NPAS1: variants seen among roughly 807,000 people sequenced by gnomAD.
The protein encoded by NPAS1 is neuronal PAS domain protein 1, also known as neuronal PAS domain-containing protein 1.
In NPAS1, 29 loss-of-function variants were observed where a neutral mutation model predicts 49.2. The observed-to-expected ratio is 0.59, with a 90% CI of 0.44 to 0.80. The LOEUF (loss-of-function observed/expected upper bound fraction) is 0.80, where lower values mean the gene tolerates loss of function less well. Among genes scored for constraint, NPAS1 ranks in the 30% least tolerant of loss-of-function variants. NPAS1 has a pLI of 0.00. For synonymous variants in NPAS1, 408 were observed against 380.4 expected (o/e 1.07, Z -0.84); for missense variants, 825 against 835.5 (o/e 0.99, Z 0.15).
intron 6 of NPAS1, among the ~76,000 whole-genome samples, chr19:47,038,214 G>A (rs2056979110): frequency 6.6e-6 from 1 of 152,178 alleles, no homozygotes; most frequent in South Asian, 2.1e-4. Flanking sequence ...AGGCACGTTT[G>A]AGCATTAGAA....
At chr19:47,022,548 G>T (rs1335357540) in intron 3 of NPAS1, among the ~76,000 whole-genome samples, 1 of 152,164 alleles carries the variant, frequency 6.6e-6, no homozygotes, top group Non-Finnish European at 1.5e-5. Context: ...ACCGCTATGC[G>T]GCCAATGCTG....
chr19:47,021,573 C>G lies in NPAS1; in HGVS notation c.123-39C>G. 2.9e-6 allele frequency: 4 copies of G among 1,375,588 alleles called. No homozygotes were observed. The highest frequency in any genetic ancestry group is 3.8e-6 in the Non-Finnish European group (4 of 1,048,498). The allele number at this position is 1,375,588 out of a possible 1,614,324, so 85.2% of individuals were successfully genotyped here. On this transcript the variant is annotated intron_variant, in intron 2 of 11. Transcript: ENST00000602212. The surrounding 1 kb of genome is among the most constrained non-coding windows in gnomAD (Gnocchi z 5.7). ...CCCCAGTTCCCAAGCCCCTGAGCCCCGGGGCCCCGCCGACACCTCCTCCGC... is the reference window on the plus strand; with the variant it reads ...CCCCAGTTCCCAAGCCCCTGAGCCCGGGGGCCCCGCCGACACCTCCTCCGC...
intron 7 of NPAS1, 111 bp from the exon 8 acceptor site, chr19:47,039,296 T>C (rs2056993400): frequency 2.0e-6 from 3 of 1,500,104 alleles, no homozygotes; most frequent in East Asian, 4.5e-5. Context: ...GGTCACACAG[T>C]GTCCAGTCCT....
Position 47,035,702 on chromosome 19 carries a change from G to T in NPAS1, c.523-262G>T, listed in dbSNP as rs548742360. On this transcript the variant is annotated intron_variant, in intron 5 of 11. Transcript: ENST00000602212. ...GGAGGTTCTGACACCTCCCACCCACGCCCCACTCCCACACACAGCCCCTTA... is the reference window on the plus strand; with the variant it reads ...GGAGGTTCTGACACCTCCCACCCACTCCCCACTCCCACACACAGCCCCTTA... Among the ~76,000 whole-genome samples, 3 of 152,254 alleles carry T rather than the reference G, an allele frequency of 2.0e-5. No homozygotes were observed. The East Asian group carries it at 5.8e-4, about 29-fold the overall frequency.
chr19:47,027,765 G>C (rs1452223520), intron 3 of NPAS1, among the ~76,000 whole-genome samples: 1 of 152,116 alleles, frequency 6.6e-6, no homozygotes, highest in Non-Finnish European at 1.5e-5. Flanking sequence ...CTGCGCAAGA[G>C]ATGAGGACAC....
At position 47,045,318 on chromosome 19, in the gene NPAS1, C is replaced by T; in HGVS notation, c.1440C>T (p.Asp480=). The stretch of plus-strand genomic sequence containing the variant: ...CCAAAGGCTCCGAGGACAGTGGCGA[C>T]GAGGATCCCTCCAGCCACCCGGCCA... ...RETKGSEDSG[D]EDPSSHPATP... Residue 480 remains aspartate (D), a synonymous_variant, in exon 12 of 12, where the codon GAC becomes GAT. Coordinates refer to ENST00000602212, the MANE Select transcript of NPAS1 (RefSeq NM_002517.4). 1.9e-6 allele frequency: 3 copies of T among 1,613,990 alleles called. No homozygotes were observed. Among genetic ancestry groups the T allele is most frequent in the South Asian group, 2.2e-5 (2 of 91,082 alleles).
chr19:47,039,200 G>A lies in NPAS1; in HGVS notation c.804+49G>A, dbSNP rs570167291. ...TGTATTCCAGGCAGCCATGTCCCCA[G>A]ATTGAGGGTGACCGAGGGAACCAGG... is the stretch of plus-strand genomic sequence containing the variant. On this transcript the variant is annotated intron_variant, in intron 7 of 11. Coordinates refer to ENST00000602212, the MANE Select transcript of NPAS1 (RefSeq NM_002517.4). 9.1e-6 allele frequency: 14 copies of A among 1,540,040 alleles called. No individual in the cohort carries two copies. The South Asian group carries it at 1.6e-4, about 18-fold the overall frequency.
intron 3 of NPAS1, among the ~76,000 whole-genome samples, chr19:47,024,372 C>T (rs149265254): frequency 1.3e-5 from 2 of 152,006 alleles, no homozygotes; most frequent in African/African-American, 2.4e-5. Flanking sequence ...CTTTCTTGGC[C>T]GGGTGCGGTG....
In NPAS1 at chr19:47,019,933, G is replaced by T. The variant is rs1272190600; in HGVS notation, c.-107G>T. On this transcript the variant is annotated 5_prime_UTR_variant, in exon 1 of 12. Coordinates refer to ENST00000602212, the MANE Select transcript of NPAS1 (RefSeq NM_002517.4). ...ATGGAGCTGCCCCTCCGCGCCGCCC[G>T]GCCGGCCCCACGCCGCGCCCGGAGC... 7 of 391,422 alleles carry T rather than the reference G, an allele frequency of 1.8e-5. No homozygotes were observed. Among genetic ancestry groups the T allele is most frequent in the Non-Finnish European group, 3.2e-5 (7 of 221,450 alleles). The allele number at this position is 391,422 out of a possible 1,614,324, so 24.2% of individuals were successfully genotyped here. A position where few individuals can be genotyped will look rare whatever the true frequency, so the allele number is the denominator to read the frequency against.
chr19:47,040,435 AC>A lies in NPAS1; in HGVS notation c.963-3del. 1 of 1,566,618 alleles carries A rather than the reference AC, an allele frequency of 6.4e-7. No homozygotes were observed. The highest frequency in any genetic ancestry group is 8.7e-7 in the Non-Finnish European group (1 of 1,153,364). ...TTGGACTCCTCCCCTCTTCTCTGTC[AC>A]CCCCCAGAGTCAGCGACCACATGGA... is the stretch of plus-strand genomic sequence containing the variant. On this transcript the variant is annotated splice_polypyrimidine_tract_variant and splice_region_variant and intron_variant, in intron 8 of 11. Transcript: ENST00000602212.
intron 11 of NPAS1, among the ~76,000 whole-genome samples, chr19:47,044,540 G>T (rs1349911687): frequency 1.3e-5 from 2 of 152,228 alleles, no homozygotes; most frequent in Admixed American, 6.5e-5. Flanking sequence ...CCACTGAAGA[G>T]CACAGGTCTA....
chr19:47,036,529 T>C (rs1428933172), intron 6 of NPAS1, among the ~76,000 whole-genome samples: 1 of 152,048 alleles, frequency 6.6e-6, no homozygotes, highest in African/African-American at 2.4e-5. Context: ...TCACTTGAGC[T>C]CGGTTGGAGA....
At chr19:47,045,084 C>T in intron 11 of NPAS1, 107 bp from the exon 12 acceptor site, 1 of 1,068,080 alleles carries the variant, frequency 9.4e-7, no homozygotes, top group Non-Finnish European at 1.4e-6. Flanking sequence ...AAACCCCACT[C>T]CCAGCTGAGA....
intron 5 of NPAS1, 182 bp from the exon 6 acceptor site, chr19:47,035,782 T>A (rs997801341): frequency 3.4e-6 from 2 of 596,142 alleles, no homozygotes; most frequent in Non-Finnish European, 5.6e-6. Flanking sequence ...GCGAGAAGAG[T>A]CTAAGTTTGT....
Position 47,041,118 on chromosome 19 carries a change from G to C in NPAS1, c.1210G>C (p.Val404Leu). The C allele has an allele frequency of 6.3e-7, 1 of 1,585,436 alleles. No individual in the cohort carries two copies. The highest frequency in any genetic ancestry group is 8.5e-7 in the Non-Finnish European group (1 of 1,171,532). ...GEHHVLWVSHVLSQAEGGQTP... is the reference protein window; with the variant it reads ...GEHHVLWVSHLLSQAEGGQTP... ...GCACCATGTGCTTTGGGTCAGCCAC[G>C]TGCTCAGGTGAGGGCTGTGCCCACC... Residue 404 changes from valine (V) to leucine (L), a missense_variant, in exon 10 of 12, where the codon GTG becomes CTG. Transcript: ENST00000602212.
intron 5 of NPAS1, among the ~76,000 whole-genome samples, chr19:47,033,262 T>C (rs1895380): frequency 0.83 from 122,516 of 148,046 alleles, 50,861 homozygotes; most frequent in African/African-American, 0.87. Context: ...TTTTTTGAGT[T>C]GGAGTTTCCC....
Position 47,032,318 on chromosome 19 carries a change from C to G in NPAS1, c.399C>G (p.Val133=). 6.2e-7 allele frequency: 1 copy of G among 1,614,068 alleles called. No individual in the cohort carries two copies. Residue 133 remains valine, a synonymous_variant, in exon 4 of 12, where the codon GTC becomes GTG. Transcript: ENST00000602212. ...GCCCCGCAGCGCTGGTCTCCGAAGT[C>G]TTCGAGCAGCACCTGGGAGGTCACA... ...RRGPAALVSE[V]FEQHLGGHIL... is the part of the protein sequence containing the mutation.
intron 1 of NPAS1, among the ~76,000 whole-genome samples, chr19:47,020,604 G>T (rs2056832622): frequency 6.6e-6 from 1 of 151,782 alleles, no homozygotes; most frequent in Non-Finnish European, 1.5e-5. Flanking sequence ...GGGTCCTCGG[G>T]GCAGAGGGCT....
intron 9 of NPAS1, 43 bp from the exon 10 acceptor site, chr19:47,040,934 TC>T: frequency 7.0e-7 from 1 of 1,426,594 alleles, no homozygotes. Context: ...CTTGCCCCTG[TC>T]CCCACCCCAC....
Sources: gnomAD v4.1 joint callset for allele counts (sites outside exome capture counted in the v4.1 genomes callset) on GRCh38, gnomAD v4.1.1 for gene constraint, Gnocchi (gnomAD v3.1) non-coding constraint, MANE v1.5 for transcripts, NCBI Gene and HGNC (gene_info 2026-07-23, HGNC 2026-07-21) for gene names.